The following METTL15 variants were observed in gnomAD, a reference collection of about 807,000 sequenced individuals.
METTL15 encodes methyltransferase 15, mitochondrial 12S rRNA N4-cytidine.
A neutral mutation model predicts 38.3 loss-of-function variants in METTL15; 34 were observed. The ratio of observed to expected loss-of-function variants is 0.89; its 90% CI spans 0.68 to 1.18. METTL15 has a LOEUF of 1.18. Ranked by LOEUF, METTL15 falls within the 50% of genes most tolerant of loss-of-function variation. The pLI is 0.00. For synonymous variants in METTL15, 162 were observed against 170.9 expected (o/e 0.95, Z 0.41); for missense variants, 438 against 498.4 (o/e 0.88, Z 1.15).
intron 5 of METTL15, among the ~76,000 whole-genome samples, chr11:28,371,357 G>C (rs550268132): frequency 2.6e-5 from 4 of 152,004 alleles, no homozygotes; most frequent in African/African-American, 9.6e-5. Context: ...ATTTATATCT[G>C]GGATACCTAT....
At chr11:28,193,079 A>G (rs537884951) in intron 3 of METTL15, among the ~76,000 whole-genome samples, 4 of 152,136 alleles carry the variant, frequency 2.6e-5, no homozygotes, top group Non-Finnish European at 5.9e-5. Flanking sequence ...TAATTACTAA[A>G]TTCCACTGGA....
intron 5 of METTL15, among the ~76,000 whole-genome samples, chr11:28,374,045 G>A (rs1313789501): frequency 4.6e-5 from 7 of 152,024 alleles, no homozygotes; most frequent in Non-Finnish European, 8.8e-5. Context: ...TGGTACCAGT[G>A]CCATGCTGTT....
chr11:28,379,510 G>T lies in METTL15; in HGVS notation c.*358+17474G>T, dbSNP rs570801639. Among the ~76,000 whole-genome samples, 16 of 152,146 alleles carry T rather than the reference G, an allele frequency of 1.1e-4. No homozygotes were observed. In the South Asian group the frequency reaches 3.3e-3, roughly 32 times the overall value. ...TGTTGTTTTATTTTCATGTGTTTGTGTAGTTTCCAAGATTCTTCTTATTAT... is the reference window on the plus strand; with the variant it reads ...TGTTGTTTTATTTTCATGTGTTTGTTTAGTTTCCAAGATTCTTCTTATTAT... On this transcript the variant is annotated intron_variant and NMD_transcript_variant, in intron 5 of 7. Transcript: ENST00000532947.
downstream of METTL15, among the ~76,000 whole-genome samples, chr11:28,336,029 A>G (rs1326288991): frequency 6.6e-6 from 1 of 151,454 alleles, no homozygotes; most frequent in African/African-American, 2.4e-5. Flanking sequence ...TCTAACTTAC[A>G]TTTCTGGACG....
At chr11:28,458,723 A>G (rs1851190686) in intron 6 of METTL15, among the ~76,000 whole-genome samples, 1 of 152,176 alleles carries the variant, frequency 6.6e-6, no homozygotes, top group Non-Finnish European at 1.5e-5. Flanking sequence ...TCAGAACAAC[A>G]CATAGCCCAC....
intron 4 of METTL15, among the ~76,000 whole-genome samples, chr11:28,282,548 G>A (rs759311240): frequency 1.3e-5 from 2 of 152,108 alleles, no homozygotes; most frequent in African/African-American, 4.8e-5. Context: ...CCATCAAGAG[G>A]TGAAGTCTGT....
In METTL15 at chr11:28,326,364, A is replaced by G. The variant is rs558584925; in HGVS notation, c.779-4032A>G. ...ACCTAGTTTGTGCATTCCTAAGATA[A>G]CTCTGTTCCTTGTTCTCTGATCAGT... On this transcript the variant is annotated intron_variant, in intron 6 of 6. Transcript: ENST00000407364. Among the ~76,000 whole-genome samples the G allele has an allele frequency of 2.6e-5, 4 of 151,686 alleles. No homozygotes were observed. The East Asian group carries it at 7.8e-4, about 29-fold the overall frequency.
chr11:28,128,512 C>T (rs1852598514), intron 3 of METTL15, among the ~76,000 whole-genome samples: 1 of 152,026 alleles, frequency 6.6e-6, no homozygotes, highest in Non-Finnish European at 1.5e-5. Context: ...AAAAATTGGA[C>T]ATGTTGTAGT....
intron 3 of METTL15, chr11:28,145,381 A>T (rs1054154083): frequency 7.2e-5 from 11 of 152,032 alleles, no homozygotes; most frequent in African/African-American, 1.4e-4. Context: ...TAATTTTTTT[A>T]AAATTTTTCA....
chr11:28,287,399 G>A, intron 4 of METTL15: 1 of 379,102 alleles, frequency 2.6e-6, no homozygotes, highest in Non-Finnish European at 5.2e-6. Flanking sequence ...CAAATCTGGG[G>A]GCTGATCACT....
chr11:28,175,237 G>A (rs1346135569), intron 3 of METTL15, among the ~76,000 whole-genome samples: 1 of 151,612 alleles, frequency 6.6e-6, no homozygotes, highest in African/African-American at 2.4e-5. Flanking sequence ...TGAGAATGAT[G>A]GTTTCCAGCT....
chr11:28,283,820 C>A (rs781252318), intron 4 of METTL15, among the ~76,000 whole-genome samples: 3 of 152,132 alleles, frequency 2.0e-5, no homozygotes, highest in Non-Finnish European at 4.4e-5. Flanking sequence ...ATTCTACTTA[C>A]ATCCTGGAGA....
chr11:28,399,567 C>T (rs1431377903), intron 5 of METTL15, among the ~76,000 whole-genome samples: 3 of 151,918 alleles, frequency 2.0e-5, no homozygotes, highest in East Asian at 3.9e-4. Flanking sequence ...AGAATATTAG[C>T]TAATTTTTAT....
chr11:28,429,385 C>CTCCCTCTCCCTCTCCCTCTCCCTA (rs1554924307), intron 6 of METTL15, among the ~76,000 whole-genome samples: 13 of 126,458 alleles, frequency 1.0e-4, no homozygotes, highest in African/African-American at 3.0e-4. Flanking sequence ...CCCTCTCCCT[C>CTCCCTCTCCCTCTCCCTCTCCCTA]TCCCTCTCCC....
chr11:28,164,606 A>G (rs1260136133), intron 3 of METTL15, among the ~76,000 whole-genome samples: 4 of 152,130 alleles, frequency 2.6e-5, no homozygotes, highest in African/African-American at 9.6e-5. Context: ...TTTGCTGCAT[A>G]TGTACAATAC....
intron 5 of METTL15, among the ~76,000 whole-genome samples, chr11:28,383,787 C>G (rs1003709451): frequency 2.0e-5 from 3 of 151,978 alleles, no homozygotes; most frequent in Non-Finnish European, 4.4e-5. Context: ...TATTAGTGTC[C>G]TTTGACCACT....
chr11:28,220,539 T>C (rs1853153337), intron 4 of METTL15, among the ~76,000 whole-genome samples: 1 of 152,330 alleles, frequency 6.6e-6, no homozygotes, highest in East Asian at 1.9e-4. Context: ...TGTCTTTTAA[T>C]TGGAGCATTT....
intron 3 of METTL15, among the ~76,000 whole-genome samples, chr11:28,127,145 T>G (rs1852521456): frequency 6.6e-6 from 1 of 152,010 alleles, no homozygotes; most frequent in Admixed American, 6.6e-5. Context: ...AAGTCTGCTT[T>G]TTAAAAAGAT....
intron 6 of METTL15, among the ~76,000 whole-genome samples, chr11:28,466,907 C>G (rs1366238152): frequency 6.6e-6 from 1 of 152,150 alleles, no homozygotes; most frequent in African/African-American, 2.4e-5. Context: ...GGAGGGAGTT[C>G]AGAAAACTAC....
Sources: gnomAD v4.1 joint callset for allele counts (sites outside exome capture counted in the v4.1 genomes callset) on GRCh38, gnomAD v4.1.1 for gene constraint, MANE v1.5 for transcripts, NCBI Gene and HGNC (gene_info 2026-07-23, HGNC 2026-07-21) for gene names.